The following CD99L2 variants were observed in gnomAD, a reference collection of about 807,000 sequenced individuals.
CD99L2 encodes CD99 antigen-like protein 2.
Under a neutral mutation model 27.3 loss-of-function variants are expected in CD99L2, and 24 were observed. The ratio of observed to expected loss-of-function variants is 0.88; its 90% CI spans 0.64 to 1.24. The LOEUF is 1.24. Ranked by LOEUF, CD99L2 falls within the 50% of genes most tolerant of loss-of-function variation. The pLI, the probability that CD99L2 is intolerant of heterozygous loss-of-function variation, is 0.00. For missense variants in CD99L2, 255 were observed against 221.6 expected (o/e 1.15, Z -0.96); for synonymous variants, 97 against 87.9 (o/e 1.10, Z -0.58).
chrX:150,830,897 C>T (rs1168328214), intron 2 of CD99L2, among the ~76,000 whole-genome samples: 1 of 110,566 alleles, frequency 9.0e-6, no homozygotes, highest in Non-Finnish European at 1.9e-5. Context: ...CAACCTCCAC[C>T]CCCCGGGTTC....
chrX:150,863,535 C>T (rs1251432673), intron 1 of CD99L2, among the ~76,000 whole-genome samples: 3 of 112,051 alleles, frequency 2.7e-5, no homozygotes, highest in African/African-American at 9.7e-5. Flanking sequence ...ACATAAACTT[C>T]CAGGCTGGCT....
chrX:150,828,292 T>C (rs2046393223), intron 2 of CD99L2: 1 of 111,829 alleles, frequency 8.9e-6, no homozygotes, highest in Non-Finnish European at 1.9e-5. Context: ...GGCTAATGCT[T>C]ACTGAGCACT....
intron 2 of CD99L2, among the ~76,000 whole-genome samples, chrX:150,820,461 A>C (rs1409505505): frequency 8.9e-6 from 1 of 111,840 alleles, no homozygotes. Context: ...TTTTAAAAGC[A>C]TTTAGATGGT....
chrX:150,771,903 G>T, intron 9 of CD99L2: 23 of 1,062,317 alleles, frequency 2.2e-5, no homozygotes, highest in Non-Finnish European at 2.8e-5. Flanking sequence ...CACACTGAGG[G>T]CAAAGGCAAG....
At chrX:150,831,371 T>C in intron 1 of CD99L2, 78 bp from the exon 2 acceptor site, 2 of 849,032 alleles carry the variant, frequency 2.4e-6, no homozygotes, top group Non-Finnish European at 3.3e-6. Context: ...AAATGGTCAT[T>C]TCCCTTTAGA....
At chrX:150,816,146 C>T (rs782081005) in intron 2 of CD99L2, 68 bp from the exon 3 acceptor site, 61 of 1,048,424 alleles carry the variant, frequency 5.8e-5, no homozygotes, top group Non-Finnish European at 7.5e-5. Context: ...TACTTTATGA[C>T]TTGGGGAAGT....
At chrX:150,769,679 GCGCCACCAGGC>G (rs1569565826) in intron 10 of CD99L2, among the ~76,000 whole-genome samples, 1 of 87,955 alleles carries the variant, frequency 1.1e-5, no homozygotes, top group African/African-American at 7.0e-5. Context: ...CTCCCTGCCT[GCGCCACCAGGC>G]CTCGGCTGCT....
At position 150,848,116 on chromosome X, in the gene CD99L2, C is replaced by CT. The variant is rs1297367478; in HGVS notation, c.68-16824_68-16823insA. On this transcript the variant is annotated intron_variant, in intron 1 of 10. Coordinates refer to ENST00000370377, the MANE Select transcript of CD99L2 (RefSeq NM_031462.4). The stretch of plus-strand genomic sequence containing the variant: ...TGCCTAACTATGGCCTGCAGGCCCC[C>CT]CCCCCCTTGTACTATACCTCTCACA... Among the ~76,000 whole-genome samples the CT allele has an allele frequency of 4.5e-4, 48 of 107,157 alleles. 1 individual carries two copies. Among genetic ancestry groups the CT allele is most frequent in the African/African-American group, 1.6e-3 (46 of 29,395 alleles). 93.1% of individuals were successfully genotyped at this position (107,157 alleles called of 115,157 possible).
At chrX:150,798,559 A>G (rs1484355757) in intron 4 of CD99L2, among the ~76,000 whole-genome samples, 2 of 111,243 alleles carry the variant, frequency 1.8e-5, no homozygotes, top group Non-Finnish European at 3.8e-5. Context: ...ATTCTTAGAC[A>G]TGGTGGCATG....
intron 1 of CD99L2, among the ~76,000 whole-genome samples, chrX:150,875,625 G>A (rs2047216859): frequency 8.9e-6 from 1 of 111,927 alleles, no homozygotes; most frequent in South Asian, 3.8e-4. Context: ...TGCAGTATGT[G>A]TTTGATATGG....
intron 1 of CD99L2, among the ~76,000 whole-genome samples, chrX:150,857,805 C>T (rs782753857): frequency 1.6e-3 from 180 of 111,927 alleles, no homozygotes; most frequent in Non-Finnish European, 2.7e-3. Context: ...AACTAGAAAG[C>T]AATTAAAAAT....
chrX:150,829,222 T>A (rs1438299435), intron 2 of CD99L2: 4 of 169,914 alleles, frequency 2.4e-5, no homozygotes, highest in African/African-American at 6.2e-5. Flanking sequence ...ATATTATATA[T>A]CTATAAATAT....
intron 1 of CD99L2, among the ~76,000 whole-genome samples, chrX:150,894,566 TTGTTTTG>T (rs1411562080): frequency 2.1e-5 from 1 of 48,515 alleles, no homozygotes; most frequent in African/African-American, 7.6e-5. Context: ...TTTTATTCTT[TTGTTTTG>T]TGTGTGTGTG....
chrX:150,824,329 A>AGG (rs2046306404), intron 2 of CD99L2, among the ~76,000 whole-genome samples: 2 of 86,638 alleles, frequency 2.3e-5, no homozygotes, highest in African/African-American at 9.4e-5. Flanking sequence ...GGAGGAGGAG[A>AGG]AGAAGAAGAA....
chrX:150,772,195 T>A lies in CD99L2; in HGVS notation c.656-1826A>T, dbSNP rs183783379. On this transcript the variant is annotated intron_variant, in intron 9 of 10. Coordinates refer to ENST00000370377, the MANE Select transcript of CD99L2 (RefSeq NM_031462.4). The stretch of plus-strand genomic sequence containing the variant: ...CCTCCTGATTCTGGCCCGGGCCAGG[T>A]GCCAGGGACATGATGTACACGCAGC... Among the ~76,000 whole-genome samples, 131 of 112,325 alleles carry A rather than the reference T, an allele frequency of 1.2e-3. 1 individual carries two copies. Among genetic ancestry groups the A allele is most frequent in the Admixed American group, 4.8e-3 (52 of 10,737 alleles).
intron 1 of CD99L2, among the ~76,000 whole-genome samples, chrX:150,895,982 C>T (rs781982313): frequency 1.3e-3 from 129 of 96,929 alleles, no homozygotes; most frequent in African/African-American, 4.0e-3. Flanking sequence ...GCCGAGATCG[C>T]GCCACTGCAC....
At chrX:150,771,041 C>T (rs782612875) in intron 9 of CD99L2, among the ~76,000 whole-genome samples, 3 of 112,504 alleles carry the variant, frequency 2.7e-5, no homozygotes, top group African/African-American at 9.7e-5. Context: ...CCAGCAAGGG[C>T]CAGTGTTCAA....
intron 2 of CD99L2, among the ~76,000 whole-genome samples, chrX:150,823,411 A>G (rs2046269336): frequency 9.0e-6 from 1 of 110,503 alleles, no homozygotes; most frequent in African/African-American, 3.3e-5. Context: ...TCAGCCTCCC[A>G]AGTAGCTGGG....
At chrX:150,884,450 G>A (rs782548470) in intron 1 of CD99L2, among the ~76,000 whole-genome samples, 4 of 112,076 alleles carry the variant, frequency 3.6e-5, no homozygotes, top group South Asian at 3.7e-4. Flanking sequence ...AAGCTGAGGT[G>A]GGTGGATTGC....
Sources: allele counts gnomAD v4.1 joint callset (sites outside exome capture counted in the v4.1 genomes callset), GRCh38; gene constraint gnomAD v4.1.1; transcripts MANE v1.5; gene names NCBI Gene and HGNC (gene_info 2026-07-23, HGNC 2026-07-21).